The following ZNF341 variants were observed in gnomAD, a reference collection of about 807,000 sequenced individuals.
ZNF341 encodes zinc finger protein 341.
In ZNF341, 52 loss-of-function variants were observed where a neutral mutation model predicts 87.7. That is an observed-to-expected ratio of 0.59 (90% CI 0.47 to 0.75). The LOEUF is 0.75. Among genes scored for constraint, ZNF341 ranks in the 30% least tolerant of loss-of-function variants. The probability of loss-of-function intolerance (pLI) is 0.00; values close to 1 mark genes in which losing one functional copy is unlikely to be tolerated. For missense variants in ZNF341, 977 were observed against 1,145.9 expected, an observed-to-expected ratio of 0.85 and a Z score of 2.13; for synonymous variants, 459 against 472.7, an observed-to-expected ratio of 0.97 and a Z score of 0.38.
At chr20:33,789,049 C>A in intron 13 of ZNF341, 75 bp downstream of exon 13, 9 of 1,108,254 alleles carry the variant, frequency 8.1e-6, no homozygotes, top group Non-Finnish European at 1.2e-5. Context: ...GAGGGTGGGA[C>A]AGATGTCAGG....
intron 5 of ZNF341, among the ~76,000 whole-genome samples, chr20:33,756,368 CT>C (rs5841147): frequency 0.35 from 48,064 of 136,870 alleles, 9,600 homozygotes; most frequent in East Asian, 0.7. Context: ...CTCTCTCTCT[CT>C]TTTTTTTTTT....
rs13037978 is a variant in ZNF341 at position 33,732,817 on chromosome 20, A to G, written c.31+765A>G. On this transcript the variant is annotated intron_variant, in intron 1 of 14. Transcript: ENST00000375200. The surrounding 1 kb of genome is among the most constrained non-coding windows in gnomAD (Gnocchi z 4.5). The stretch of plus-strand genomic sequence containing the variant: ...ACTGTGGGCTTTGGAGACAGCAAAC[A>G]CTGAGCACCTCCATGTGTGCATCTG... Among the ~76,000 whole-genome samples, 1 of 152,176 alleles carries G rather than the reference A, an allele frequency of 6.6e-6. No individual in the cohort carries two copies. Among genetic ancestry groups the G allele is most frequent in the East Asian group, 1.9e-4 (1 of 5,188 alleles).
Position 33,791,504 on chromosome 20 carries a change from A to G in ZNF341, c.2552A>G (p.Gln851Arg). The change falls in exon 15 of 15, where the codon CAG becomes CGG. Residue 851 changes from glutamine (Q) to arginine (R), a missense_variant. Physicochemically the swap from Gln to Arg is conservative, Grantham distance 43 (BLOSUM62 1). Around this residue, in one of 3 missense-constraint regions of ZNF341, gnomAD observed 221 missense variants for 212.7 expected, o/e 1.04. Transcript: ENST00000375200. ...ATGCTCGCTGTGCCCGTCTACATCCAGGCCTCCGAGTGACGGACCTGAGGT... is the reference window on the plus strand; with the variant it reads ...ATGCTCGCTGTGCCCGTCTACATCCGGGCCTCCGAGTGACGGACCTGAGGT... Reference protein sequence around the residue: ...CAMLAVPVYIQASE With the variant: ...CAMLAVPVYIRASE The G allele has an allele frequency of 1.9e-6, 3 of 1,561,564 alleles. No individual in the cohort carries two copies. In the African/African-American group the frequency reaches 4.0e-5, roughly 21 times the overall value.
Position 33,789,600 on chromosome 20 carries a change from T to C in ZNF341, c.2035+12T>C, listed in dbSNP as rs747156742. On this transcript the variant is annotated intron_variant, in intron 14 of 14. Coordinates refer to ENST00000375200, the MANE Select transcript of ZNF341 (RefSeq NM_001282933.2). ...CCTCTCCCACTCTGGTAAGTGGCTCTTGGGCCTGCTAAGAGGGTCTGGTTC... is the reference window on the plus strand; with the variant it reads ...CCTCTCCCACTCTGGTAAGTGGCTCCTGGGCCTGCTAAGAGGGTCTGGTTC... 1.2e-6 allele frequency: 2 copies of C among 1,613,684 alleles called. No individual in the cohort carries two copies. Among genetic ancestry groups the C allele is most frequent in the East Asian group, 4.5e-5 (2 of 44,874 alleles).
At chr20:33,765,613 C>T (rs972054349) in intron 8 of ZNF341, among the ~76,000 whole-genome samples, 2 of 152,062 alleles carry the variant, frequency 1.3e-5, no homozygotes, top group Non-Finnish European at 2.9e-5. Context: ...CTCCTGGGTT[C>T]AAGGGATCCT....
At chr20:33,775,169 A>G (rs1489227105) in intron 10 of ZNF341, among the ~76,000 whole-genome samples, 1 of 151,338 alleles carries the variant, frequency 6.6e-6, no homozygotes, top group Non-Finnish European at 1.5e-5. Flanking sequence ...CTCTTTTCTA[A>G]GTTCCTAGAA....
intron 1 of ZNF341, among the ~76,000 whole-genome samples, chr20:33,740,097 C>G (rs1441704045): frequency 6.6e-6 from 1 of 152,172 alleles, no homozygotes; most frequent in African/African-American, 2.4e-5. Flanking sequence ...CTCCTGACCT[C>G]AGGTGCTCTG....
chr20:33,744,035 A>C (rs928630909), intron 2 of ZNF341, among the ~76,000 whole-genome samples: 1 of 152,142 alleles, frequency 6.6e-6, no homozygotes, highest in African/African-American at 2.4e-5. Flanking sequence ...TAATCCCAGC[A>C]CTTTGGGAGG....
chr20:33,750,811 T>G (rs2019039875), intron 4 of ZNF341, among the ~76,000 whole-genome samples: 1 of 152,182 alleles, frequency 6.6e-6, no homozygotes, highest in Admixed American at 6.5e-5. Context: ...TGGCTAATTT[T>G]TGTACTTTTA....
At chr20:33,764,020 C>CTTT (rs760255384) in intron 8 of ZNF341, among the ~76,000 whole-genome samples, 21 of 131,176 alleles carry the variant, frequency 1.6e-4, no homozygotes, top group African/African-American at 2.5e-4. Context: ...CCATCTCTCT[C>CTTT]TTTTTTTTTT....
intron 1 of ZNF341, among the ~76,000 whole-genome samples, chr20:33,733,175 T>G (rs934567100): frequency 2.0e-5 from 3 of 149,368 alleles, no homozygotes; most frequent in African/African-American, 7.5e-5. Context: ...GCCTCCTGAG[T>G]AGCTGGGACT....
chr20:33,736,384 A>G (rs1268396421), intron 1 of ZNF341, among the ~76,000 whole-genome samples: 1 of 152,118 alleles, frequency 6.6e-6, no homozygotes, highest in East Asian at 1.9e-4. Flanking sequence ...GCTTGGGCCA[A>G]GCTAACTTCG....
chr20:33,768,109 G>A (rs559317678), intron 9 of ZNF341, among the ~76,000 whole-genome samples: 7 of 144,908 alleles, frequency 4.8e-5, no homozygotes, highest in Non-Finnish European at 7.5e-5. Flanking sequence ...CTAGATGCAA[G>A]GGAACCAGGA....
At chr20:33,754,354 T>TA (rs1020121336) in intron 5 of ZNF341, among the ~76,000 whole-genome samples, 1 of 152,130 alleles carries the variant, frequency 6.6e-6, no homozygotes, top group African/African-American at 2.4e-5. Context: ...ACACCAGTGC[T>TA]AGAGGGTATG....
chr20:33,776,253 A>AT (rs888570957), intron 10 of ZNF341, among the ~76,000 whole-genome samples: 18 of 146,268 alleles, frequency 1.2e-4, no homozygotes, highest in East Asian at 8.0e-4. Flanking sequence ...TGCCCATCTG[A>AT]TTTTTTTTTT....
intron 3 of ZNF341, among the ~76,000 whole-genome samples, chr20:33,747,639 A>AAAAAG (rs1555872754): frequency 7.0e-6 from 1 of 142,310 alleles, no homozygotes; most frequent in Non-Finnish European, 1.6e-5. Context: ...AAAAAAAAAA[A>AAAAAG]AAACACAGTC....
At position 33,745,095 on chromosome 20, in the gene ZNF341, GAC is replaced by G; in HGVS notation, c.143-7_143-6del. ...CCTCTTCCCACTACTCTGCGGGTAT[GAC>G]CCCAGATGACGAGGATGTATTTCTC... On this transcript the variant is annotated splice_region_variant and splice_polypyrimidine_tract_variant and intron_variant, in intron 2 of 14. Coordinates refer to ENST00000375200, the MANE Select transcript of ZNF341 (RefSeq NM_001282933.2). The G allele has an allele frequency of 6.2e-7, 1 of 1,606,286 alleles. No homozygotes were observed. The highest frequency in any genetic ancestry group is 8.5e-7 in the Non-Finnish European group (1 of 1,173,444).
Position 33,788,631 on chromosome 20 carries a change from G to C in ZNF341, c.1853-232G>C. 1 of 541,732 alleles carries C rather than the reference G, an allele frequency of 1.8e-6. No homozygotes were observed. The highest frequency in any genetic ancestry group is 3.3e-5 in the East Asian group (1 of 30,196). 33.6% of individuals were successfully genotyped at this position (541,732 alleles called of 1,614,324 possible). A position where few individuals can be genotyped will look rare whatever the true frequency, so the allele number is the denominator to read the frequency against. ...GCCCAGACCATCTCCCTGATGACCT[G>C]AGGTCTCTCCTCATGCATGGCCTCA... On this transcript the variant is annotated intron_variant, in intron 12 of 14. Coordinates refer to ENST00000375200, the MANE Select transcript of ZNF341 (RefSeq NM_001282933.2).
Position 33,791,151 on chromosome 20 carries a change from C to T in ZNF341, c.2199C>T (p.Leu733=), listed in dbSNP as rs758338768. The T allele has an allele frequency of 9.9e-6, 16 of 1,613,152 alleles. No individual in the cohort carries two copies. The highest frequency in any genetic ancestry group is 3.3e-5 in the Admixed American group (2 of 60,014). Residue 733 remains leucine (L), a synonymous_variant, in exon 15 of 15, where the codon CTC becomes CTT. Coordinates refer to ENST00000375200, the MANE Select transcript of ZNF341 (RefSeq NM_001282933.2). ...HKYLKDHRCR[L]GPQKDKDLQT... is the part of the protein sequence containing the mutation. ...ACCTCAAAGATCACCGCTGTCGTCT[C>T]GGCCCCCAAAAGGACAAGGACCTGC...
Sources: gnomAD v4.1 joint callset for allele counts (sites outside exome capture counted in the v4.1 genomes callset) on GRCh38, gnomAD v4.1.1 for gene constraint, gnomAD v4.1.1 regional missense constraint, Gnocchi (gnomAD v3.1) non-coding constraint, MANE v1.5 for transcripts, NCBI Gene and HGNC (gene_info 2026-07-23, HGNC 2026-07-21) for gene names.